Variants in JAK1 observed in about 807,000 individuals in gnomAD.
JAK1 encodes tyrosine-protein kinase JAK1.
In JAK1, 16 loss-of-function variants were observed where a neutral mutation model predicts 136.6. That is an observed-to-expected ratio of 0.12 (90% CI 0.08 to 0.18). The LOEUF (loss-of-function observed/expected upper bound fraction) is 0.18, where lower values mean the gene tolerates loss of function less well. Among genes scored for constraint, JAK1 ranks in the 10% least tolerant of loss-of-function variants. The pLI is 1.00. For missense variants in JAK1, 859 were observed against 1,450.1 expected (o/e 0.59, Z 6.62); for synonymous variants, 492 against 519.5 (o/e 0.95, Z 0.72).
chr1:64,933,879 C>T (rs1029810452), intron 1 of JAK1, among the ~76,000 whole-genome samples: 2 of 152,208 alleles, frequency 1.3e-5, no homozygotes, highest in African/African-American at 4.8e-5. Context: ...AAGTGACTAA[C>T]TTTGAATCAT....
chr1:64,907,601 C>T (rs1570748898), intron 1 of JAK1, among the ~76,000 whole-genome samples: 3 of 152,116 alleles, frequency 2.0e-5, no homozygotes, highest in African/African-American at 7.2e-5. Flanking sequence ...AGGCTTAATA[C>T]CTGGGTGATG....
At chr1:64,941,801 C>G (rs1645894357) in intron 1 of JAK1, among the ~76,000 whole-genome samples, 1 of 152,132 alleles carries the variant, frequency 6.6e-6, no homozygotes, top group Non-Finnish European at 1.5e-5. Flanking sequence ...ATCTAAAGAC[C>G]AAAGGAAAAG....
chr1:64,986,974 G>A (rs956779006), intron 2 of JAK1, among the ~76,000 whole-genome samples: 3 of 152,104 alleles, frequency 2.0e-5, no homozygotes, highest in Admixed American at 6.6e-5. Flanking sequence ...TATTAGCAGG[G>A]ACCAAGGCCT....
intron 12 of JAK1, among the ~76,000 whole-genome samples, 195 bp from the exon 13 acceptor site, chr1:64,847,870 T>C (rs1436044970): frequency 6.6e-6 from 1 of 152,074 alleles, no homozygotes; most frequent in Non-Finnish European, 1.5e-5. Flanking sequence ...TGGTGACATT[T>C]GCTGGGCCCC....
rs1251366811 is a variant in JAK1, at chr1:64,857,773, T to C, written c.1341A>G (p.Glu447=). ...CTTGCCGCAATTTATTGATGGCGTA[T>C]TCTGTACTAGAGGGAGAAGTAGGCA... The part of the protein sequence containing the change: ...QNGCHGPICT[E]YAINKLRQEG... The change falls in exon 10 of 25, where the codon GAA becomes GAG. Residue 447 remains glutamate (E), a synonymous_variant. Transcript: ENST00000342505. 1.2e-6 allele frequency: 2 copies of C among 1,614,212 alleles called. No individual in the cohort carries two copies. Among genetic ancestry groups the C allele is most frequent in the East Asian group, 2.2e-5 (1 of 44,884 alleles).
intron 1 of JAK1, among the ~76,000 whole-genome samples, chr1:65,055,987 G>A (rs1647517619): frequency 1.3e-5 from 2 of 152,214 alleles, no homozygotes; most frequent in African/African-American, 2.4e-5. Context: ...GGAAGGTGGT[G>A]AAATCTTCAC....
At position 64,844,364 on chromosome 1, in the gene JAK1, G is replaced by A. The variant is rs1216593596; in HGVS notation, c.2252-149C>T. 2.5e-5 allele frequency: 26 copies of A among 1,034,042 alleles called. No homozygotes were observed. In the East Asian group the frequency reaches 3.4e-4, roughly 13 times the overall value. The allele number at this position is 1,034,042 out of a possible 1,614,324, so 64.1% of individuals were successfully genotyped here. On this transcript the variant is annotated intron_variant, in intron 16 of 24. Transcript: ENST00000342505. This position sits in a 1 kb window ranked among gnomAD's most constrained non-coding sequence, Gnocchi z 5.7. ...GCCCATGGCCACATAGGCCCTGTGCGGGGGGCCTGCAGGCGTGCAGCCCTC... is the reference window on the plus strand; with the variant it reads ...GCCCATGGCCACATAGGCCCTGTGCAGGGGGCCTGCAGGCGTGCAGCCCTC...
chr1:64,911,780 T>C (rs72922224), intron 1 of JAK1, among the ~76,000 whole-genome samples: 3,245 of 152,306 alleles, frequency 0.021, 148 homozygotes, highest in African/African-American at 0.075. Flanking sequence ...AATCCAAGCA[T>C]AGCTAGGTTC....
At chr1:64,843,021 C>T (rs1355323360) in intron 17 of JAK1, among the ~76,000 whole-genome samples, 3 of 152,296 alleles carry the variant, frequency 2.0e-5, no homozygotes, top group Middle Eastern at 3.4e-3. Context: ...ATCCCAGCTA[C>T]TGCATCCAGA....
chr1:64,913,677 AAG>A (rs1557686552), intron 1 of JAK1, among the ~76,000 whole-genome samples: 3 of 34,226 alleles, frequency 8.8e-5, no homozygotes, highest in East Asian at 2.0e-3. Flanking sequence ...GGAAGGAAGG[AAG>A]GAAGGAAGGA....
chr1:64,970,356 G>A (rs1333441442), upstream of JAK1, among the ~76,000 whole-genome samples: 1 of 151,692 alleles, frequency 6.6e-6, no homozygotes, highest in Non-Finnish European at 1.5e-5. Context: ...CAGGAAAATA[G>A]CTTGAACCCG....
At chr1:64,881,867 T>C (rs935752778) in intron 3 of JAK1, among the ~76,000 whole-genome samples, 2 of 152,146 alleles carry the variant, frequency 1.3e-5, no homozygotes, top group African/African-American at 4.8e-5. Context: ...CCTGCTGTGC[T>C]GATGGCAAGA....
upstream of JAK1, among the ~76,000 whole-genome samples, chr1:64,970,155 A>AAAAAAAAAC (rs60346840): frequency 6.9e-6 from 1 of 144,222 alleles, no homozygotes; most frequent in African/African-American, 2.5e-5. Context: ...AAAAAAAAAA[A>AAAAAAAAAC]CGGCCGGGCA....
intron 1 of JAK1, among the ~76,000 whole-genome samples, chr1:64,956,047 A>G (rs745680694): frequency 2.0e-5 from 3 of 152,258 alleles, no homozygotes; most frequent in African/African-American, 4.8e-5. Context: ...GTCAGTGTCC[A>G]TACATAAAGT....
At chr1:64,902,583 A>AGAGAGTGTGT in intron 1 of JAK1, among the ~76,000 whole-genome samples, 821 of 73,784 alleles carry the variant, frequency 0.011, 6 homozygotes, top group South Asian at 0.022. Flanking sequence ...AGAGAGAGAG[A>AGAGAGTGTGT]GTGTGTGTGT....
intron 14 of JAK1, among the ~76,000 whole-genome samples, chr1:64,846,108 G>A (rs1222627258): frequency 6.6e-6 from 1 of 152,114 alleles, no homozygotes. Context: ...GAAGTCACTT[G>A]GGGTTAAAAA....
chr1:65,053,860 A>T (rs1194353689), intron 1 of JAK1, among the ~76,000 whole-genome samples: 1 of 152,166 alleles, frequency 6.6e-6, no homozygotes, highest in Non-Finnish European at 1.5e-5. Context: ...TTTGTGGCAC[A>T]CTTAAAATTG....
intron 8 of JAK1, among the ~76,000 whole-genome samples, chr1:64,864,479 G>A (rs565821115): frequency 2.6e-4 from 40 of 152,298 alleles, no homozygotes; most frequent in African/African-American, 7.9e-4. Flanking sequence ...ACTGACATTC[G>A]CTGGTTTTCT....
chr1:65,053,581 T>C (rs547589044), intron 1 of JAK1, among the ~76,000 whole-genome samples: 2 of 152,346 alleles, frequency 1.3e-5, no homozygotes, highest in South Asian at 4.1e-4. Context: ...GCCAATGTGG[T>C]GGCCTAGGCC....
Sources: allele counts gnomAD v4.1 joint callset (sites outside exome capture counted in the v4.1 genomes callset), GRCh38; gene constraint gnomAD v4.1.1; non-coding constraint Gnocchi (gnomAD v3.1); transcripts MANE v1.5; gene names NCBI Gene and HGNC (gene_info 2026-07-23, HGNC 2026-07-21).